Variants in SEMA3D observed in about 807,000 individuals in gnomAD.
SEMA3D encodes semaphorin-3D.
A neutral mutation model predicts 100.1 loss-of-function variants in SEMA3D; 84 were observed. The observed-to-expected ratio is 0.84, with a 90% CI of 0.70 to 1.01. SEMA3D has a LOEUF of 1.01. Ranked by LOEUF, SEMA3D falls within the 50% of genes least tolerant of loss-of-function variation. The pLI is 0.00. For missense variants in SEMA3D, 875 were observed against 934.1 expected, an observed-to-expected ratio of 0.94 and a Z score of 0.82; for synonymous variants, 312 against 320.7, an observed-to-expected ratio of 0.97 and a Z score of 0.29.
At chr7:85,058,428 T>G (rs1340906150) in intron 8 of SEMA3D, among the ~76,000 whole-genome samples, 1 of 151,976 alleles carries the variant, frequency 6.6e-6, no homozygotes, top group African/African-American at 2.4e-5. Context: ...AAACCAACAC[T>G]TCAGATTTTT....
intron 2 of SEMA3D, among the ~76,000 whole-genome samples, chr7:85,133,452 ATCTCAG>A (rs1252600339): frequency 6.6e-6 from 1 of 151,986 alleles, no homozygotes; most frequent in Non-Finnish European, 1.5e-5. Flanking sequence ...TTACTACATG[ATCTCAG>A]AAGTTGACTT....
chr7:85,026,646 T>C (rs1254819221), intron 12 of SEMA3D, among the ~76,000 whole-genome samples: 1 of 152,080 alleles, frequency 6.6e-6, no homozygotes, highest in Non-Finnish European at 1.5e-5. Context: ...TTTTTTTCTT[T>C]GGTCAGTTAC....
At chr7:85,125,023 A>T (rs1324769308) in intron 2 of SEMA3D, among the ~76,000 whole-genome samples, 1 of 151,982 alleles carries the variant, frequency 6.6e-6, no homozygotes, top group Admixed American at 6.6e-5. Flanking sequence ...ATTGCAGCAG[A>T]CTCACAGCTG....
chr7:85,037,437 T>C (rs186555219), intron 11 of SEMA3D, among the ~76,000 whole-genome samples: 5 of 152,210 alleles, frequency 3.3e-5, no homozygotes, highest in Admixed American at 3.3e-4. Context: ...TATTTAAAGT[T>C]ATTATGGCAT....
intron 5 of SEMA3D, among the ~76,000 whole-genome samples, chr7:85,080,295 A>C (rs1788016202): frequency 6.6e-6 from 1 of 152,170 alleles, no homozygotes; most frequent in South Asian, 2.1e-4. Context: ...GATCTCTAAA[A>C]ATATTTTTTG....
intron 14 of SEMA3D, among the ~76,000 whole-genome samples, chr7:85,019,805 C>T (rs868134890): frequency 3.8e-4 from 57 of 151,328 alleles, no homozygotes; most frequent in Admixed American, 1.3e-3. Flanking sequence ...ATGATGCAAC[C>T]TATATATTTT....
At chr7:85,020,839 T>C (rs1202849427) in intron 13 of SEMA3D, among the ~76,000 whole-genome samples, 1 of 151,602 alleles carries the variant, frequency 6.6e-6, no homozygotes, top group African/African-American at 2.4e-5. Context: ...TCTTCAAATG[T>C]ATTCTATCTT....
chr7:85,083,531 T>C lies in SEMA3D; in HGVS notation c.313-1952A>G, dbSNP rs10235542. On this transcript the variant is annotated intron_variant, in intron 4 of 18. Transcript: ENST00000284136. ...TGTTATTCATCATTGCTGGCAAAAA[T>C]ACTGGACTGAGTGCTTCTTAAAAAT... 1.5e-3 allele frequency among the ~76,000 whole-genome samples: 225 copies of C among 152,276 alleles called. 1 individual carries two copies. Among genetic ancestry groups the C allele is most frequent in the African/African-American group, 5.2e-3 (215 of 41,566 alleles).
chr7:85,183,675 G>A (rs1376790780), intron 1 of SEMA3D, among the ~76,000 whole-genome samples: 1 of 152,212 alleles, frequency 6.6e-6, no homozygotes, highest in Non-Finnish European at 1.5e-5. Context: ...TCTGGTGAAA[G>A]GCAAAAGAAA....
At chr7:85,231,436 C>CTTTTTTTTTTT in the SEMA3D span, among the ~76,000 whole-genome samples, 1 of 117,872 alleles carries the variant, frequency 8.5e-6, no homozygotes, top group African/African-American at 3.4e-5. Flanking sequence ...CAATCTTTCC[C>CTTTTTTTTTTT]TTTTTTTTTT....
At position 85,068,232 on chromosome 7, in the gene SEMA3D, C is replaced by G; in HGVS notation, c.548G>C (p.Cys183Ser). Residue 183 changes from cysteine to serine, a missense_variant, in exon 7 of 19, where the codon TGT becomes TCT. Transcript: ENST00000284136. The part of the protein sequence containing the change: ...THNLESGRLK[C>S]PFDPQQPFAS... Reference sequence around the variant, plus strand: ...AAAAGGCTGCTGAGGATCGAAAGGACATTTCAGTCTGCCAGACTCCAAATT... The same window carrying G: ...AAAAGGCTGCTGAGGATCGAAAGGAGATTTCAGTCTGCCAGACTCCAAATT... 1 of 1,609,532 alleles carries G rather than the reference C, an allele frequency of 6.2e-7. No individual in the cohort carries two copies. The highest frequency in any genetic ancestry group is 8.5e-7 in the Non-Finnish European group (1 of 1,175,994).
rs752922884 is a variant in SEMA3D at position 85,147,092 on chromosome 7, CTTTTTTTTT to C, written c.-41+6507_-41+6515del. ...TCTTTCTTTCTTTTCTTTTTCTTTT[CTTTTTTTTT>C]TTTTTTTTTTTTTTTTTTGAGACGG... is the stretch of plus-strand genomic sequence containing the variant. On this transcript the variant is annotated intron_variant, in intron 2 of 18. Coordinates refer to ENST00000284136, the MANE Select transcript of SEMA3D (RefSeq NM_001384900.1). 1.1e-3 allele frequency among the ~76,000 whole-genome samples: 55 copies of C among 48,152 alleles called. 1 individual carries two copies. Among genetic ancestry groups the C allele is most frequent in the African/African-American group, 5.1e-3 (52 of 10,288 alleles). The allele number at this position is 48,152 out of a possible 152,430, so 31.6% of individuals were successfully genotyped here. A position where few individuals can be genotyped will look rare whatever the true frequency, so the allele number is the denominator to read the frequency against.
chr7:85,096,865 C>T (rs148502958), intron 4 of SEMA3D, among the ~76,000 whole-genome samples: 3 of 151,838 alleles, frequency 2.0e-5, no homozygotes, highest in African/African-American at 7.2e-5. Context: ...AGTCCAAAGT[C>T]CTAGGATGGC....
At chr7:85,195,386 T>G in the SEMA3D span, among the ~76,000 whole-genome samples, 1 of 152,142 alleles carries the variant, frequency 6.6e-6, no homozygotes, top group Non-Finnish European at 1.5e-5. Context: ...TGCCAAACAT[T>G]GGGAAACTGA....
chr7:85,016,059 C>T (rs1037511013), intron 15 of SEMA3D, among the ~76,000 whole-genome samples: 7 of 151,644 alleles, frequency 4.6e-5, no homozygotes, highest in African/African-American at 1.7e-4. Context: ...ATGGGTCTTA[C>T]ACCTTTAGCA....
In SEMA3D at chr7:85,010,714, C is replaced by T. The variant is rs114418579; in HGVS notation, c.1768+2068G>A. ...AGTCTTGAAGAAGATAATAAGAATT[C>T]TTTCTCAGACATAAGTTTGAAATGC... On this transcript the variant is annotated intron_variant, in intron 17 of 18. Transcript: ENST00000284136. Among the ~76,000 whole-genome samples the T allele has an allele frequency of 3.5e-3, 531 of 151,952 alleles. 3 individuals carry two copies. Among genetic ancestry groups the T allele is most frequent in the African/African-American group, 0.012 (516 of 41,512 alleles).
intron 12 of SEMA3D, among the ~76,000 whole-genome samples, chr7:85,026,501 T>C (rs1317963904): frequency 3.3e-5 from 5 of 151,944 alleles, no homozygotes; most frequent in African/African-American, 1.2e-4. Flanking sequence ...GGTACACAAA[T>C]GGGAAGATAG....
chr7:85,188,593 G>A (rs746291047), upstream of SEMA3D, among the ~76,000 whole-genome samples: 13 of 151,810 alleles, frequency 8.6e-5, no homozygotes, highest in East Asian at 9.7e-4. Flanking sequence ...TTTTTCTCCC[G>A]TATATGGTGG....
chr7:85,168,739 T>C (rs1255096512), intron 1 of SEMA3D, among the ~76,000 whole-genome samples: 3 of 149,518 alleles, frequency 2.0e-5, no homozygotes, highest in African/African-American at 4.9e-5. Context: ...TTAAATTATA[T>C]ATATATCTGT....
Sources: gnomAD v4.1 joint callset for allele counts (sites outside exome capture counted in the v4.1 genomes callset) on GRCh38, gnomAD v4.1.1 for gene constraint, MANE v1.5 for transcripts, NCBI Gene and HGNC (gene_info 2026-07-23, HGNC 2026-07-21) for gene names.